Variants in MYO5C observed in about 807,000 individuals in gnomAD.
MYO5C encodes the protein myosin VC, also known as unconventional myosin-Vc.
In MYO5C, 194 loss-of-function variants were observed where a neutral mutation model predicts 235.7. The ratio of observed to expected loss-of-function variants is 0.82; its 90% confidence interval spans 0.73 to 0.93. MYO5C has a LOEUF of 0.93. Ranked by LOEUF, MYO5C falls within the 40% of genes least tolerant of loss-of-function variation. The pLI, the probability that MYO5C is intolerant of heterozygous loss-of-function variation, is 0.00. For synonymous variants in MYO5C, 707 were observed against 754.8 expected (o/e 0.94, Z 1.04); for missense variants, 2,038 against 2,127.2 (o/e 0.96, Z 0.82).
intron 33 of MYO5C, among the ~76,000 whole-genome samples, chr15:52,213,994 G>A (rs1037172836): frequency 3.9e-5 from 6 of 152,202 alleles, no homozygotes; most frequent in Non-Finnish European, 1.5e-5. Flanking sequence ...TCAAAGAGAT[G>A]AATATAGAAA....
chr15:52,206,761 T>C (rs988850438), intron 36 of MYO5C, among the ~76,000 whole-genome samples: 7 of 152,230 alleles, frequency 4.6e-5, no homozygotes, highest in Admixed American at 3.9e-4. Context: ...TGCGGTATTT[T>C]GTTATAGTAG....
At chr15:52,238,945 GTTTCT>G (rs978675558) in intron 21 of MYO5C, among the ~76,000 whole-genome samples, 4 of 147,202 alleles carry the variant, frequency 2.7e-5, no homozygotes, top group Admixed American at 6.8e-5. Context: ...CCAGCTGGAT[GTTTCT>G]TTTCTTTTGT....
intron 31 of MYO5C, 150 bp downstream of exon 31, chr15:52,219,609 T>C: frequency 1.6e-6 from 1 of 633,042 alleles, no homozygotes. Flanking sequence ...CATACACATA[T>C]TTCTTTCCTT....
At chr15:52,289,797 A>G (rs1199515203) in intron 1 of MYO5C, among the ~76,000 whole-genome samples, 5 of 152,372 alleles carry the variant, frequency 3.3e-5, no homozygotes, top group Admixed American at 3.3e-4. Context: ...AGGAAGAGCC[A>G]GGCCTGGGCA....
intron 23 of MYO5C, among the ~76,000 whole-genome samples, chr15:52,234,939 C>G (rs1370384349): frequency 6.6e-6 from 1 of 152,128 alleles, no homozygotes; most frequent in Non-Finnish European, 1.5e-5. Context: ...GAAGAGATCC[C>G]TAGGCAAGAT....
intron 1 of MYO5C, among the ~76,000 whole-genome samples, chr15:52,291,621 C>T (rs2037388482): frequency 6.6e-6 from 1 of 152,062 alleles, no homozygotes; most frequent in African/African-American, 2.4e-5. Context: ...CCTAACAACC[C>T]ATCCCCAGCC....
chr15:52,253,274 T>G, intron 12 of MYO5C, 43 bp downstream of exon 12: 4 of 1,580,458 alleles, frequency 2.5e-6, no homozygotes, highest in Non-Finnish European at 3.4e-6. Flanking sequence ...GCTCATCTGT[T>G]ACTACTTAAA....
intron 14 of MYO5C, 49 bp from the exon 15 acceptor site, chr15:52,247,641 T>A: frequency 6.3e-7 from 1 of 1,595,028 alleles, no homozygotes; most frequent in Non-Finnish European, 8.5e-7. Flanking sequence ...CTGCCCACAG[T>A]ACTCACTCAT....
intron 38 of MYO5C, among the ~76,000 whole-genome samples, chr15:52,198,814 T>C (rs1354970050): frequency 1.3e-5 from 2 of 152,078 alleles, no homozygotes; most frequent in Non-Finnish European, 2.9e-5. Flanking sequence ...ACTCCTGACC[T>C]TGTGATCTGC....
At chr15:52,277,737 G>A (rs1211355604) in intron 4 of MYO5C, 1 of 414,292 alleles carries the variant, frequency 2.4e-6, no homozygotes, top group South Asian at 1.8e-5. Context: ...CCCCACCCCA[G>A]GGACAGGGAG....
Position 52,193,196 on chromosome 15 carries a change from C to A in MYO5C, c.*706G>T, listed in dbSNP as rs1487687121. On this transcript the variant is annotated 3_prime_UTR_variant, in exon 41 of 41. Transcript: ENST00000261839. ...GGCGTGGTGGCAGGTGCCTGTAGTC[C>A]CAGCTACTCAGGAGGCTGAGGCAGG... 1 of 151,782 alleles carries A rather than the reference C, an allele frequency of 6.6e-6. No homozygotes were observed. Among genetic ancestry groups the A allele is most frequent in the Non-Finnish European group, 1.5e-5 (1 of 68,012 alleles). The allele number at this position is 151,782 out of a possible 1,614,324, so 9.4% of individuals were successfully genotyped here.
chr15:52,237,432 T>G (rs2036110297), intron 22 of MYO5C, 50 bp downstream of exon 22: 2 of 1,574,856 alleles, frequency 1.3e-6, no homozygotes, highest in Non-Finnish European at 1.7e-6. Context: ...CTCATCTTTT[T>G]CACAGAGAGT....
rs1285181174 is a variant in MYO5C, at chr15:52,237,458, C to T, written c.2868+24G>A. The T allele has an allele frequency of 2.5e-6, 4 of 1,606,852 alleles. No homozygotes were observed. In the African/African-American group the frequency reaches 5.4e-5, roughly 22 times the overall value. On this transcript the variant is annotated intron_variant, in intron 22 of 40. Coordinates refer to ENST00000261839, the MANE Select transcript of MYO5C (RefSeq NM_018728.4). Reference sequence around the variant, plus strand: ...CACAGAGAGTCCGCATATTTCCATCCCGTCTCACACGCCCGCAGCTGACCT... The same window carrying T: ...CACAGAGAGTCCGCATATTTCCATCTCGTCTCACACGCCCGCAGCTGACCT...
chr15:52,274,248 TA>T (rs2036989619), intron 5 of MYO5C, among the ~76,000 whole-genome samples: 1 of 152,170 alleles, frequency 6.6e-6, no homozygotes, highest in African/African-American at 2.4e-5. Flanking sequence ...TACACAAAAT[TA>T]TCCACTGGGC....
Position 52,235,659 on chromosome 15 carries a change from C to A in MYO5C, c.2962+11G>T. 1 of 1,599,352 alleles carries A rather than the reference C, an allele frequency of 6.3e-7. No individual in the cohort carries two copies. The highest frequency in any genetic ancestry group is 8.5e-7 in the Non-Finnish European group (1 of 1,171,072). ...CAGTGAATGTCTGGATTTGTGCCCC[C>A]CAAGCTTTACCTTTTAACTCTTCAG... On this transcript the variant is annotated intron_variant, in intron 23 of 40. Coordinates refer to ENST00000261839, the MANE Select transcript of MYO5C (RefSeq NM_018728.4).
intron 9 of MYO5C, among the ~76,000 whole-genome samples, chr15:52,261,692 T>A (rs1245811464): frequency 6.6e-6 from 1 of 152,064 alleles, no homozygotes. Context: ...ATACACAAAG[T>A]GAAATCTTGC....
In MYO5C at chr15:52,273,056, C is replaced by T. The variant is rs566295120; in HGVS notation, c.607-333G>A. ...TTCACTGGCTAGGTGCAGCGGCTCACGCCTGTAATCCCAGCACTTCAGGAG... is the reference window on the plus strand; with the variant it reads ...TTCACTGGCTAGGTGCAGCGGCTCATGCCTGTAATCCCAGCACTTCAGGAG... On this transcript the variant is annotated intron_variant, in intron 5 of 40. Transcript: ENST00000261839. 1.1e-3 allele frequency among the ~76,000 whole-genome samples: 160 copies of T among 152,202 alleles called. 3 individuals are homozygous for T. The highest frequency in any genetic ancestry group is 9.1e-4 in the Non-Finnish European group (62 of 68,048).
rs2036066162 is a variant in MYO5C at position 52,235,702 on chromosome 15, A to T, written c.2930T>A (p.Leu977Gln). ...CTCTTCAGTCTTCTCTTGAAGCTTC[A>T]GCTGTATTTGTTCTTTCTGTGTTTC... ...ELETQKEQIQ[L>Q]KLQEKTEELK... Residue 977 changes from leucine (L) to glutamine (Q), a missense_variant, in exon 23 of 41, where the codon CTG becomes CAG. Leu to Gln is a moderately radical substitution (Grantham distance 113, BLOSUM62 -2). Transcript: ENST00000261839. 6.2e-7 allele frequency: 1 copy of T among 1,612,522 alleles called. No homozygotes were observed. The highest frequency in any genetic ancestry group is 1.3e-5 in the African/African-American group (1 of 75,002).
chr15:52,271,878 C>G lies in MYO5C; in HGVS notation c.751-34G>C, dbSNP rs1395856066. 2.1e-6 allele frequency: 3 copies of G among 1,414,274 alleles called. No individual in the cohort carries two copies. The African/African-American group carries it at 4.3e-5, about 20-fold the overall frequency. 87.6% of individuals were successfully genotyped at this position (1,414,274 alleles called of 1,614,324 possible). A position where few individuals can be genotyped will look rare whatever the true frequency, so the allele number is the denominator to read the frequency against. The stretch of plus-strand genomic sequence containing the variant: ...TAAAGAAATGTCCTCAAAATTACAC[C>G]AAATCCTTACAAGCAAAAATGCCAG... On this transcript the variant is annotated intron_variant, in intron 6 of 40. Coordinates refer to ENST00000261839, the MANE Select transcript of MYO5C (RefSeq NM_018728.4).
Sources: allele counts gnomAD v4.1 joint callset (sites outside exome capture counted in the v4.1 genomes callset), GRCh38; gene constraint gnomAD v4.1.1; transcripts MANE v1.5; gene names NCBI Gene and HGNC (gene_info 2026-07-23, HGNC 2026-07-21).